HERC2: variants seen among roughly 807,000 people sequenced by gnomAD.
HERC2 encodes the protein E3 ubiquitin-protein ligase HERC2.
HERC2 carries 102 observed loss-of-function variants against 537.7 expected under a neutral mutation model. That is an observed-to-expected ratio of 0.19 (90% CI 0.16 to 0.22). The LOEUF is 0.22. HERC2 is among the 10% of genes least tolerant of loss of function. The probability of loss-of-function intolerance (pLI) is 1.00; values close to 1 mark genes in which losing one functional copy is unlikely to be tolerated. For missense variants in HERC2, 4,236 were observed against 6,198.2 expected (o/e 0.68, Z 10.63); for synonymous variants, 2,224 against 2,466.2 (o/e 0.90, Z 2.91).
At chr15:28,198,131 G>T (rs1204539807) in intron 50 of HERC2, among the ~76,000 whole-genome samples, 1 of 152,130 alleles carries the variant, frequency 6.6e-6, no homozygotes, top group Non-Finnish European at 1.5e-5. Context: ...CCCTCTGATG[G>T]AGACACCCAT....
In HERC2 at chr15:28,246,795, G is replaced by A. The variant is rs1365698373; in HGVS notation, c.3338C>T (p.Thr1113Ile). 6 of 1,609,362 alleles carry A rather than the reference G, an allele frequency of 3.7e-6. No homozygotes were observed. The highest frequency in any genetic ancestry group is 2.2e-5 in the South Asian group (2 of 89,980). The stretch of plus-strand genomic sequence containing the variant: ...CACCTCCGCGAAGTGCCGCCAGCTG[G>A]TAGAAGCAATGCTGGCGGCCACAGG... ...ILPVAASIAS[T>I]SWRHFAEVAY... is the part of the protein sequence containing the mutation. Residue 1113 changes from threonine to isoleucine, a missense_variant, in exon 22 of 93, where the codon ACC becomes ATC. Physicochemically the swap from Thr to Ile is moderately conservative, Grantham distance 89. Transcript: ENST00000261609.
chr15:28,227,237 T>A (rs1901286032), intron 35 of HERC2, among the ~76,000 whole-genome samples: 1 of 152,110 alleles, frequency 6.6e-6, no homozygotes, highest in Admixed American at 6.5e-5. Context: ...ATCGTGCCAC[T>A]GTGCTCCAGC....
intron 55 of HERC2, among the ~76,000 whole-genome samples, chr15:28,190,010 TC>T (rs1369266763): frequency 1.3e-3 from 181 of 135,000 alleles, no homozygotes; most frequent in African/African-American, 6.2e-3. Context: ...TTTCTTTCTT[TC>T]TTTTTTTTTT....
intron 30 of HERC2, among the ~76,000 whole-genome samples, chr15:28,232,884 A>C (rs1902029674): frequency 2.0e-5 from 3 of 152,270 alleles, no homozygotes; most frequent in African/African-American, 7.2e-5. Context: ...TCAATTTAGT[A>C]AAGATTATTT....
rs1903980064 is a variant in HERC2, at chr15:28,248,861, G to A, written c.3051-125C>T. ...GATCATACATGATGACCTGCAGCTG[G>A]CTTCCCTCCCCAAGTGTGTCCAATG... On this transcript the variant is annotated intron_variant, in intron 20 of 92. Coordinates refer to ENST00000261609, the MANE Select transcript of HERC2 (RefSeq NM_004667.6). 4 of 752,144 alleles carry A rather than the reference G, an allele frequency of 5.3e-6. No homozygotes were observed. In the South Asian group the frequency reaches 7.5e-5, roughly 14 times the overall value. 46.6% of individuals were successfully genotyped at this position (752,144 alleles called of 1,614,324 possible). A position where few individuals can be genotyped will look rare whatever the true frequency, so the allele number is the denominator to read the frequency against.
At chr15:28,157,771 G>C (rs2142390110) in intron 69 of HERC2, among the ~76,000 whole-genome samples, 1 of 152,062 alleles carries the variant, frequency 6.6e-6, no homozygotes, top group Non-Finnish European at 1.5e-5. Flanking sequence ...GTTATTTTTT[G>C]CCTTCTGCTA....
chr15:28,226,814 T>C (rs1901227008), intron 35 of HERC2, among the ~76,000 whole-genome samples: 2 of 152,090 alleles, frequency 1.3e-5, no homozygotes, highest in South Asian at 2.1e-4. Context: ...CAGGAGAAAA[T>C]ACCCTCAAAT....
chr15:28,157,224 G>A (rs904927969), intron 69 of HERC2, among the ~76,000 whole-genome samples: 2 of 152,112 alleles, frequency 1.3e-5, no homozygotes, highest in Non-Finnish European at 2.9e-5. Context: ...TTGTGTCTCT[G>A]CCAGGCTTTG....
Position 28,262,917 on chromosome 15 carries a change from C to G in HERC2, c.2122+1G>C. 6.2e-7 allele frequency: 1 copy of G among 1,613,442 alleles called. No homozygotes were observed. On this transcript the variant is annotated splice_donor_variant, in intron 15 of 92. Transcript: ENST00000261609. LOFTEE classifies it high-confidence loss of function. Reference sequence around the variant, plus strand: ...TTTTAAAAGTTTACATTTGCACTCACCTTGCAAGCCTTCTAAGAGTTTTGG... The same window carrying G: ...TTTTAAAAGTTTACATTTGCACTCAGCTTGCAAGCCTTCTAAGAGTTTTGG...
rs1404347893 is a variant in HERC2 at position 28,111,447 on chromosome 15, T to A, written c.*316A>T. The stretch of plus-strand genomic sequence containing the variant: ...GATTGCACCCACAAGTAAAAAGGCT[T>A]TATTCATTTTGGGGATGCTGCAATT... On this transcript the variant is annotated 3_prime_UTR_variant, in exon 93 of 93. Transcript: ENST00000261609. 8.8e-6 allele frequency: 3 copies of A among 339,620 alleles called. No individual in the cohort carries two copies. Among genetic ancestry groups the A allele is most frequent in the African/African-American group, 6.3e-5 (3 of 47,450 alleles). 21.0% of individuals were successfully genotyped at this position (339,620 alleles called of 1,614,324 possible). A position where few individuals can be genotyped will look rare whatever the true frequency, so the allele number is the denominator to read the frequency against.
intron 4 of HERC2, among the ~76,000 whole-genome samples, chr15:28,292,563 C>G (rs1030743342): frequency 4.6e-5 from 7 of 152,084 alleles, no homozygotes; most frequent in African/African-American, 1.7e-4. Flanking sequence ...CACCTGAAAT[C>G]TCAGCAACTC....
At chr15:28,194,251 C>T (rs1361341093) in intron 52 of HERC2, among the ~76,000 whole-genome samples, 1 of 147,702 alleles carries the variant, frequency 6.8e-6, no homozygotes, top group African/African-American at 2.5e-5. Context: ...ATTTTTAGTA[C>T]AGACGGGGTT....
intron 56 of HERC2, among the ~76,000 whole-genome samples, chr15:28,183,898 T>C (rs930925722): frequency 1.3e-5 from 2 of 152,178 alleles, no homozygotes; most frequent in East Asian, 3.9e-4. Context: ...CTTAAAAATA[T>C]GTATGGGGAC....
intron 38 of HERC2, among the ~76,000 whole-genome samples, chr15:28,217,909 A>G (rs1468256013): frequency 6.6e-6 from 1 of 151,988 alleles, no homozygotes; most frequent in Non-Finnish European, 1.5e-5. Flanking sequence ...TGGAAGAAGC[A>G]TGGCCCTGCC....
intron 20 of HERC2, among the ~76,000 whole-genome samples, chr15:28,250,797 T>G (rs2075050534): frequency 1.3e-5 from 2 of 152,078 alleles, no homozygotes; most frequent in Non-Finnish European, 1.5e-5. Flanking sequence ...GAGAAAACAG[T>G]GTCTACCCAT....
At chr15:28,219,649 T>A (rs185549587) in intron 37 of HERC2, among the ~76,000 whole-genome samples, 4 of 152,308 alleles carry the variant, frequency 2.6e-5, no homozygotes, top group Admixed American at 2.6e-4. Flanking sequence ...CGCTATGGCA[T>A]AGCCTCTTCC....
intron 40 of HERC2, 119 bp downstream of exon 40, chr15:28,214,536 T>C (rs1210604286): frequency 2.2e-6 from 3 of 1,334,626 alleles, no homozygotes; most frequent in African/African-American, 1.5e-5. Flanking sequence ...CACCCACCTC[T>C]GAGTGACGGC....
intron 14 of HERC2, among the ~76,000 whole-genome samples, chr15:28,263,530 G>A (rs747644516): frequency 6.6e-5 from 10 of 152,098 alleles, no homozygotes; most frequent in African/African-American, 1.9e-4. Context: ...CCACCCTCCC[G>A]TTTGCCTGCC....
At chr15:28,211,602 A>G (rs928984462) in intron 43 of HERC2, among the ~76,000 whole-genome samples, 4 of 152,090 alleles carry the variant, frequency 2.6e-5, no homozygotes, top group African/African-American at 9.7e-5. Context: ...CACAGAGAGC[A>G]TGGGGTGGGA....
Sources: allele counts gnomAD v4.1 joint callset (sites outside exome capture counted in the v4.1 genomes callset), GRCh38; gene constraint gnomAD v4.1.1; transcripts MANE v1.5; gene names NCBI Gene and HGNC (gene_info 2026-07-23, HGNC 2026-07-21).